TLN2: variants seen among roughly 807,000 people sequenced by gnomAD.
TLN2 encodes talin-2.
A neutral mutation model predicts 294.7 loss-of-function variants in TLN2; 118 were observed. The ratio of observed to expected loss-of-function variants is 0.40; its 90% CI spans 0.34 to 0.47. TLN2 has a LOEUF of 0.47. Among genes scored for constraint, TLN2 ranks in the 20% least tolerant of loss-of-function variants. The probability of loss-of-function intolerance (pLI) is 0.84; values close to 1 mark genes in which losing one functional copy is unlikely to be tolerated. For missense variants in TLN2, 3,083 were observed against 3,282.2 expected (o/e 0.94, Z 1.48); for synonymous variants, 1,431 against 1,304.5 (o/e 1.10, Z -2.09).
At position 62,740,768 on chromosome 15, in the gene TLN2, A is replaced by G. The variant is rs2061279649; in HGVS notation, c.4024A>G (p.Arg1342Gly). ...GAAAAATCTCCTGGCTGCAGCTGCA[A>G]GGTAGGAGTGGGACACAATGTGCTT... The part of the protein sequence containing the change: ...NAKNLLAAAA[R>G]AVTESINQLI... Residue 1342 changes from arginine to glycine, a missense_variant and splice_region_variant, in exon 32 of 59, where the codon AGA becomes GGA. Transcript: ENST00000636159. The G allele has an allele frequency of 1.2e-6, 2 of 1,614,066 alleles. No homozygotes were observed. Among genetic ancestry groups the G allele is most frequent in the South Asian group, 1.1e-5 (1 of 91,084 alleles).
chr15:62,585,642 G>A (rs1285348074), intron 1 of TLN2, among the ~76,000 whole-genome samples: 1 of 152,130 alleles, frequency 6.6e-6, no homozygotes, highest in East Asian at 1.9e-4. Context: ...GCGCATCATG[G>A]GAGCTGCTAA....
intron 51 of TLN2, among the ~76,000 whole-genome samples, chr15:62,808,494 G>T (rs533983882): frequency 6.6e-6 from 1 of 152,284 alleles, no homozygotes; most frequent in East Asian, 1.9e-4. Context: ...AATAGAATTA[G>T]TGGGTCCAAT....
chr15:62,728,977 A>G (rs981335464), intron 28 of TLN2, among the ~76,000 whole-genome samples: 26 of 152,004 alleles, frequency 1.7e-4, no homozygotes, highest in African/African-American at 5.8e-4. Context: ...TCAGTGTTAG[A>G]TTTTCATGTT....
rs10634187 is a variant in TLN2, at chr15:62,664,857, C to CAAAAAAAAAAAAAAAAAAAAA, written c.788+6960_788+6980dup. Among the ~76,000 whole-genome samples the CAAAAAAAAAAAAAAAAAAAAA allele has an allele frequency of 8.9e-4, 26 of 29,232 alleles. 4 individuals are homozygous for CAAAAAAAAAAAAAAAAAAAAA. The highest frequency in any genetic ancestry group is 3.4e-3 in the African/African-American group (26 of 7,746). 19.2% of individuals were successfully genotyped at this position (29,232 alleles called of 152,430 possible). On this transcript the variant is annotated intron_variant, in intron 9 of 58. Transcript: ENST00000636159. Reference sequence around the variant, plus strand: ...CTGGGCAACAAGAGGGAAACTGTCTCAAAAAAAAAAAAAAAAAAAAAGTGG... The same window carrying CAAAAAAAAAAAAAAAAAAAAA: ...CTGGGCAACAAGAGGGAAACTGTCTCAAAAAAAAAAAAAAAAAAAAAAAAAAAAAAAAAAAAAAAAAAGTGG...
At chr15:62,623,545 A>G (rs757874956) in intron 3 of TLN2, among the ~76,000 whole-genome samples, 14 of 152,348 alleles carry the variant, frequency 9.2e-5, no homozygotes, top group Non-Finnish European at 1.8e-4. Flanking sequence ...ATGAGAATGC[A>G]TCGTACCTAA....
chr15:62,839,071 G>GTTTGT (rs2070239197), intron 58 of TLN2, 90 bp downstream of exon 58: 2 of 1,505,024 alleles, frequency 1.3e-6, no homozygotes, highest in African/African-American at 1.4e-5. Flanking sequence ...CAAGATGAAA[G>GTTTGT]TTTATTTCTT....
intron 3 of TLN2, among the ~76,000 whole-genome samples, chr15:62,620,451 C>G (rs554849630): frequency 1.3e-5 from 2 of 152,026 alleles, no homozygotes; most frequent in Admixed American, 6.6e-5. Flanking sequence ...CATTCATACT[C>G]TCTTTCTCTC....
At chr15:62,431,204 G>A (rs2034993123) in intron 1 of TLN2, among the ~76,000 whole-genome samples, 1 of 152,160 alleles carries the variant, frequency 6.6e-6, no homozygotes, top group African/African-American at 2.4e-5. Flanking sequence ...TTGGTCACAA[G>A]CCTGCTGGAG....
At chr15:62,750,007 A>G (rs2061838256) in intron 33 of TLN2, among the ~76,000 whole-genome samples, 1 of 152,264 alleles carries the variant, frequency 6.6e-6, no homozygotes, top group Non-Finnish European at 1.5e-5. Flanking sequence ...TCATGAAGAA[A>G]TGAATGGCCT....
chr15:62,673,760 G>T, intron 9 of TLN2, 67 bp from the exon 10 acceptor site: 1 of 1,274,262 alleles, frequency 7.8e-7, no homozygotes, highest in Non-Finnish European at 1.1e-6. Context: ...TTTATTAAAT[G>T]TCTTTGCTTT....
chr15:62,540,636 TGA>T (rs1367375758), intron 1 of TLN2, among the ~76,000 whole-genome samples: 11 of 152,140 alleles, frequency 7.2e-5, no homozygotes, highest in African/African-American at 2.4e-4. Context: ...TTTGGAACTC[TGA>T]GAAGTCCAGC....
chr15:62,639,305 G>A (rs548798361), intron 3 of TLN2, among the ~76,000 whole-genome samples: 1 of 152,086 alleles, frequency 6.6e-6, no homozygotes, highest in Non-Finnish European at 1.5e-5. Context: ...TGGGGACTGT[G>A]GTGGCCCTGC....
intron 9 of TLN2, among the ~76,000 whole-genome samples, chr15:62,662,782 A>C (rs1253267579): frequency 6.7e-6 from 1 of 149,080 alleles, no homozygotes; most frequent in African/African-American, 2.4e-5. Flanking sequence ...AAAGGCAGAA[A>C]GGGGGAATAG....
At chr15:62,583,579 G>T (rs1197807674) in intron 1 of TLN2, among the ~76,000 whole-genome samples, 1 of 151,920 alleles carries the variant, frequency 6.6e-6, no homozygotes, top group Non-Finnish European at 1.5e-5. Context: ...TCAGAAAAGA[G>T]AAATAAAAAT....
At chr15:62,506,754 G>GTT (rs2039643233) in intron 1 of TLN2, among the ~76,000 whole-genome samples, 1 of 152,186 alleles carries the variant, frequency 6.6e-6, no homozygotes, top group Non-Finnish European at 1.5e-5. Context: ...AGGGCCCCAA[G>GTT]TTAAAACAGC....
intron 1 of TLN2, among the ~76,000 whole-genome samples, chr15:62,537,144 G>A (rs900347774): frequency 6.6e-6 from 1 of 151,366 alleles, no homozygotes; most frequent in Admixed American, 6.6e-5. Context: ...TCAGCCTCCC[G>A]AGTAGCTGGG....
intron 9 of TLN2, among the ~76,000 whole-genome samples, chr15:62,667,236 GA>G (rs2054812737): frequency 6.6e-6 from 1 of 152,150 alleles, no homozygotes; most frequent in Non-Finnish European, 1.5e-5. Context: ...AAAGTGCTGG[GA>G]TTACAGGCGT....
At chr15:62,515,161 T>TG (rs2040124482) in intron 1 of TLN2, among the ~76,000 whole-genome samples, 1 of 152,214 alleles carries the variant, frequency 6.6e-6, no homozygotes, top group Non-Finnish European at 1.5e-5. Context: ...TTTAAATCTG[T>TG]GTGGTAGATG....
At chr15:62,686,921 G>A (rs2057335657) in intron 12 of TLN2, 125 bp downstream of exon 12, 1 of 1,318,624 alleles carries the variant, frequency 7.6e-7, no homozygotes, top group Non-Finnish European at 1.0e-6. Flanking sequence ...GTGGAGTGAG[G>A]AAGATGGTGC....
Sources: gnomAD v4.1 joint callset for allele counts (sites outside exome capture counted in the v4.1 genomes callset) on GRCh38, gnomAD v4.1.1 for gene constraint, MANE v1.5 for transcripts, NCBI Gene and HGNC (gene_info 2026-07-23, HGNC 2026-07-21) for gene names.